Variants in LRRK1 observed in about 807,000 individuals in gnomAD.
LRRK1 encodes leucine-rich repeat serine/threonine-protein kinase 1.
In LRRK1, 113 loss-of-function variants were observed where a neutral mutation model predicts 209.1. That is an observed-to-expected ratio of 0.54 (90% confidence interval 0.46 to 0.63). The LOEUF (loss-of-function observed/expected upper bound fraction) is 0.63. Ranked by LOEUF, LRRK1 falls within the 30% of genes least tolerant of loss-of-function variation. The probability of loss-of-function intolerance (pLI) is 0.00; values close to 1 mark genes in which losing one functional copy is unlikely to be tolerated. For synonymous variants in LRRK1, 1,144 were observed against 1,099.7 expected, an observed-to-expected ratio of 1.04 and a Z score of -0.80; for missense variants, 2,284 against 2,632.2, an observed-to-expected ratio of 0.87 and a Z score of 2.89.
chr15:100,926,876 A>T (rs1299622863), intron 2 of LRRK1, among the ~76,000 whole-genome samples: 1 of 151,596 alleles, frequency 6.6e-6, no homozygotes, highest in African/African-American at 2.4e-5. Context: ...GTAGAGACGA[A>T]GTTTCACCAT....
chr15:100,962,823 A>ATATATATATATT, intron 2 of LRRK1, among the ~76,000 whole-genome samples: 1 of 11,548 alleles, frequency 8.7e-5, no homozygotes, highest in African/African-American at 2.5e-4. Context: ...ATATATATAT[A>ATATATATATATT]TTTTTTTTTT....
Position 101,027,942 on chromosome 15 carries a change from C to T in LRRK1, c.2686+145C>T. ...TTCCATCCCCCTCCCCTTCCTTCTT[C>T]CCTCTCACCCTTCTTTCCTTGGAGG... On this transcript the variant is annotated intron_variant, in intron 19 of 33. Coordinates refer to ENST00000388948, the MANE Select transcript of LRRK1 (RefSeq NM_024652.6). The surrounding 1 kb of genome is among the most constrained non-coding windows in gnomAD (Gnocchi z 5.1). The T allele has an allele frequency of 1.4e-6, 1 of 710,216 alleles. No individual in the cohort carries two copies. Among genetic ancestry groups the T allele is most frequent in the Non-Finnish European group, 2.3e-6 (1 of 434,354 alleles). 44.0% of individuals were successfully genotyped at this position (710,216 alleles called of 1,614,324 possible).
intron 10 of LRRK1, among the ~76,000 whole-genome samples, chr15:101,012,900 C>CAGG (rs752165724): frequency 6.7e-6 from 1 of 149,748 alleles, no homozygotes; most frequent in East Asian, 2.0e-4. Context: ...GGGGTGCCCC[C>CAGG]GGGGGGGGGT....
chr15:101,005,592 G>A (rs1567226691), intron 6 of LRRK1, among the ~76,000 whole-genome samples: 1 of 152,186 alleles, frequency 6.6e-6, no homozygotes, highest in Non-Finnish European at 1.5e-5. Flanking sequence ...CCAGATCTTG[G>A]TTTCTAAATA....
intron 3 of LRRK1, among the ~76,000 whole-genome samples, chr15:100,979,876 A>G (rs946679562): frequency 2.6e-5 from 4 of 152,242 alleles, no homozygotes; most frequent in African/African-American, 9.6e-5. Context: ...AGCAATGATA[A>G]GATGTCATTG....
At chr15:101,054,917 T>C (rs768876899) in intron 26 of LRRK1, 29 bp from the exon 27 acceptor site, 1 of 1,546,408 alleles carries the variant, frequency 6.5e-7, no homozygotes, top group South Asian at 1.2e-5. Flanking sequence ...GAAATTTTGA[T>C]ACATTTGAAA....
At chr15:101,002,029 G>T (rs574409345) in intron 6 of LRRK1, among the ~76,000 whole-genome samples, 75 of 152,320 alleles carry the variant, frequency 4.9e-4, no homozygotes, top group African/African-American at 1.8e-3. Context: ...GTCTGCCCTG[G>T]GCTGGGGTGC....
chr15:101,009,799 G>A (rs1003726566), intron 7 of LRRK1, among the ~76,000 whole-genome samples: 1 of 152,134 alleles, frequency 6.6e-6, no homozygotes, highest in African/African-American at 2.4e-5. Flanking sequence ...TGTTGGCCAG[G>A]ATGGTCTTGA....
intron 2 of LRRK1, among the ~76,000 whole-genome samples, chr15:100,948,738 A>G (rs1207786181): frequency 1.3e-5 from 2 of 152,218 alleles, no homozygotes; most frequent in Admixed American, 1.3e-4. Flanking sequence ...GGAAATTCAC[A>G]AATATGTAGA....
Position 101,065,702 on chromosome 15 carries a change from T to C in LRRK1, c.5265T>C (p.Asp1755=). Residue 1755 remains aspartate (D), a synonymous_variant, in exon 32 of 34, where the codon GAT becomes GAC. Transcript: ENST00000388948. ...GGGAGGAGGTCGTCTGGTGCCTGGA[T>C]GACAAGGCCAACTCCTTGGTGATGT... ...GRGEEVVWCL[D]DKANSLVMYH... 1 of 1,614,082 alleles carries C rather than the reference T, an allele frequency of 6.2e-7. No individual in the cohort carries two copies. Among genetic ancestry groups the C allele is most frequent in the East Asian group, 2.2e-5 (1 of 44,884 alleles).
At chr15:100,939,124 A>G (rs28459148) in intron 2 of LRRK1, among the ~76,000 whole-genome samples, 29,764 of 152,022 alleles carry the variant, frequency 0.2, 3,133 homozygotes, top group South Asian at 0.29. Flanking sequence ...AATATCAAAT[A>G]TCTAGTCAGT....
chr15:101,019,881 C>G (rs544308960), intron 12 of LRRK1, among the ~76,000 whole-genome samples: 37 of 152,286 alleles, frequency 2.4e-4, no homozygotes, highest in African/African-American at 8.7e-4. Flanking sequence ...TGTGCGTTTC[C>G]AAGCTCTTTC....
chr15:101,010,334 A>T, intron 7 of LRRK1, 116 bp from the exon 8 acceptor site: 1 of 1,095,884 alleles, frequency 9.1e-7, no homozygotes. Context: ...CACACTCTTT[A>T]ACCTTGCATG....
chr15:100,946,701 A>G (rs989760156), intron 2 of LRRK1, among the ~76,000 whole-genome samples: 21 of 152,322 alleles, frequency 1.4e-4, no homozygotes, highest in Middle Eastern at 3.4e-3. Context: ...AACACCACTA[A>G]AAGTCTAGGA....
In LRRK1 at chr15:100,973,917, C is replaced by G. The variant is rs934768991; in HGVS notation, c.211C>G (p.Arg71Gly). ...AYRRGDRGGA[R>G]DLLEEACDQC... Reference sequence around the variant, plus strand: ...CAGGCGGGGAGACCGCGGCGGCGCCCGGGACCTGCTGGAGGAGGCCTGCGA... The same window carrying G: ...CAGGCGGGGAGACCGCGGCGGCGCCGGGGACCTGCTGGAGGAGGCCTGCGA... Residue 71 changes from arginine to glycine, a missense_variant, in exon 3 of 34, where the codon CGG (arginine) becomes GGG (glycine). By Grantham distance (125) the Arg-to-Gly change is moderately radical. This residue lies in a region of LRRK1 where 174 missense variants were observed against 133.5 expected (regional missense o/e 1.30). Transcript: ENST00000388948. 13 of 1,265,686 alleles carry G rather than the reference C, an allele frequency of 1.0e-5. No homozygotes were observed. In the South Asian group the frequency reaches 2.6e-4, roughly 26 times the overall value. The allele number at this position is 1,265,686 out of a possible 1,614,324, so 78.4% of individuals were successfully genotyped here.
chr15:100,926,976 C>T (rs1254703081), intron 2 of LRRK1, among the ~76,000 whole-genome samples: 2 of 152,192 alleles, frequency 1.3e-5, no homozygotes, highest in South Asian at 2.1e-4. Context: ...TGAGCCACGG[C>T]GCCCGGCCAG....
chr15:101,045,905 G>A (rs1226659810), intron 20 of LRRK1, 76 bp from the exon 21 acceptor site: 1 of 1,276,610 alleles, frequency 7.8e-7, no homozygotes, highest in Non-Finnish European at 1.1e-6. Flanking sequence ...CCCCAGATCA[G>A]GCCATCTGCT....
At chr15:101,015,953 T>C (rs1476382197) in intron 12 of LRRK1, among the ~76,000 whole-genome samples, 2 of 151,590 alleles carry the variant, frequency 1.3e-5, no homozygotes, top group African/African-American at 2.4e-5. Context: ...CCTGAGATAG[T>C]GAAGAGAGAG....
At position 101,075,446 on chromosome 15, in the gene LRRK1, C is replaced by T. The variant is rs369742615; in HGVS notation, c.*6598C>T. The T allele has an allele frequency of 1.7e-5, 2 of 120,144 alleles. No individual in the cohort carries two copies. Among genetic ancestry groups the T allele is most frequent in the Admixed American group, 1.6e-4 (2 of 12,838 alleles). The allele number at this position is 120,144 out of a possible 1,614,324, so 7.4% of individuals were successfully genotyped here. On this transcript the variant is annotated 3_prime_UTR_variant, in exon 34 of 34. Transcript: ENST00000388948. ...ACCTTAACCCATAAGTATAAGATACCTCTACTCCCTCCTTGGTGACCGATC... is the reference window on the plus strand; with the variant it reads ...ACCTTAACCCATAAGTATAAGATACTTCTACTCCCTCCTTGGTGACCGATC...
Sources: allele counts gnomAD v4.1 joint callset (sites outside exome capture counted in the v4.1 genomes callset), GRCh38; gene constraint gnomAD v4.1.1; regional missense constraint gnomAD v4.1.1; non-coding constraint Gnocchi (gnomAD v3.1); transcripts MANE v1.5; gene names NCBI Gene and HGNC (gene_info 2026-07-23, HGNC 2026-07-21).